ZNF91: variants seen among roughly 807,000 people sequenced by gnomAD.
ZNF91 encodes zinc finger protein 91 (HPF7, HTF10).
ZNF91 carries 7 observed loss-of-function variants against 12.6 expected under a neutral mutation model. That is an observed-to-expected ratio of 0.55 (90% CI 0.31 to 1.04). ZNF91 has a LOEUF of 1.04. ZNF91 is among the 50% of genes least tolerant of loss of function. The probability of loss-of-function intolerance (pLI) is 0.05; values close to 1 mark genes in which losing one functional copy is unlikely to be tolerated. For synonymous variants in ZNF91, 453 were observed against 462.6 expected (o/e 0.98, Z 0.27); for missense variants, 1,217 against 1,385.4 (o/e 0.88, Z 1.93).
At chr19:23,333,703 T>G (rs1279103718) in intron 1 of ZNF91, among the ~76,000 whole-genome samples, 1 of 152,336 alleles carries the variant, frequency 6.6e-6, no homozygotes, top group East Asian at 1.9e-4. Flanking sequence ...TAGGAATAAA[T>G]AGAGAAATGA....
rs1277571912 is a variant in ZNF91, at chr19:23,361,984, C to T, written c.995G>A (p.Ser332Asn). 6.6e-7 allele frequency: 1 copy of T among 1,508,970 alleles called. No individual in the cohort carries two copies. Among genetic ancestry groups the T allele is most frequent in the Non-Finnish European group, 8.8e-7 (1 of 1,130,130 alleles). The allele number at this position is 1,508,970 out of a possible 1,614,324, so 93.5% of individuals were successfully genotyped here. The change falls in exon 4 of 4, where the codon AGC becomes AAC. Residue 332 changes from serine (S) to asparagine (N), a missense_variant. Ser to Asn is a conservative substitution (Grantham distance 46). Coordinates refer to ENST00000300619, the MANE Select transcript of ZNF91 (RefSeq NM_003430.4). ...ATGTTTAGCAAGGGTTGAAGAACGGCTAAAAGCTTTGCCACATTCTTCACA... is the reference window on the plus strand; with the variant it reads ...ATGTTTAGCAAGGGTTGAAGAACGGTTAAAAGCTTTGCCACATTCTTCACA... ...YKCEECGKAF[S>N]RSSTLAKHKR...
upstream of ZNF91, among the ~76,000 whole-genome samples, chr19:23,312,082 GAAAACAC>G (rs1387040061): frequency 3.3e-4 from 50 of 152,164 alleles, 2 homozygotes; most frequent in East Asian, 9.7e-3. Flanking sequence ...ATCCCTGGCT[GAAAACAC>G]AGGTACTGTG....
intron 3 of ZNF91, chr19:23,339,614 T>C (rs1204657487): frequency 6.6e-6 from 1 of 152,180 alleles, no homozygotes; most frequent in East Asian, 1.9e-4. Context: ...TTAAATAACA[T>C]ACTCCTCAAC....
intron 3 of ZNF91, among the ~76,000 whole-genome samples, chr19:23,345,813 C>T (rs1188385918): frequency 6.6e-6 from 1 of 152,124 alleles, no homozygotes; most frequent in Non-Finnish European, 1.5e-5. Context: ...ATCGTCCCCT[C>T]CTCAGGACAA....
At chr19:23,337,685 A>T (rs985082785), downstream of ZNF91, 2 of 152,066 alleles carry the variant, frequency 1.3e-5, no homozygotes, top group African/African-American at 4.8e-5. Context: ...CTTTAAAAAG[A>T]CTTCAAAATA....
Position 23,359,502 on chromosome 19 carries a change from T to C in ZNF91, c.3477A>G (p.Thr1159=), listed in dbSNP as rs1968620050. The change falls in exon 4 of 4, where the codon ACA becomes ACG. Residue 1159 remains threonine, a synonymous_variant. Transcript: ENST00000300619. ...LTNHKKIHTI[T]PVIPLLWEAE... ...CCTCCCAAAGTAGTGGGATTACAGG[T>C]GTGATAGTATGAATTTTCTTATGGT... is the stretch of plus-strand genomic sequence containing the variant. 6.2e-7 allele frequency: 1 copy of C among 1,613,402 alleles called. No individual in the cohort carries two copies. The highest frequency in any genetic ancestry group is 8.5e-7 in the Non-Finnish European group (1 of 1,179,482).
chr19:23,363,681 AT>A (rs1968896390), intron 3 of ZNF91, among the ~76,000 whole-genome samples: 1 of 152,210 alleles, frequency 6.6e-6, no homozygotes, highest in Non-Finnish European at 1.5e-5. Flanking sequence ...TGCCACCAAA[AT>A]ATTATAAAAT....
chr19:23,383,412 G>C (rs1157830523), intron 1 of ZNF91, among the ~76,000 whole-genome samples: 1 of 152,172 alleles, frequency 6.6e-6, no homozygotes, highest in East Asian at 1.9e-4. Flanking sequence ...AAGCGGATGG[G>C]TACAGTGGTT....
downstream of ZNF91, among the ~76,000 whole-genome samples, chr19:23,336,208 T>A (rs898434229): frequency 2.6e-5 from 4 of 152,202 alleles, no homozygotes; most frequent in African/African-American, 7.2e-5. Context: ...AGGTTCATCA[T>A]CTCATACCAA....
At chr19:23,318,818 T>C (rs569921210) in intron 1 of ZNF91, among the ~76,000 whole-genome samples, 8 of 152,318 alleles carry the variant, frequency 5.3e-5, no homozygotes, top group Admixed American at 3.9e-4. Flanking sequence ...CTGCAATGTA[T>C]CTCTGGGCCC....
intron 1 of ZNF91, among the ~76,000 whole-genome samples, chr19:23,389,270 G>C (rs995854965): frequency 2.6e-5 from 4 of 152,232 alleles, no homozygotes; most frequent in African/African-American, 9.6e-5. Context: ...CTGGGTCCAT[G>C]CAGGCAGATG....
chr19:23,382,773 A>C (rs1169760940), intron 1 of ZNF91, among the ~76,000 whole-genome samples: 1 of 152,176 alleles, frequency 6.6e-6, no homozygotes, highest in Non-Finnish European at 1.5e-5. Flanking sequence ...GAAAAAAAGT[A>C]TTAAGGAATA....
upstream of ZNF91, among the ~76,000 whole-genome samples, chr19:23,312,165 T>C (rs1266316583): frequency 1.3e-5 from 2 of 152,032 alleles, no homozygotes; most frequent in Non-Finnish European, 2.9e-5. Context: ...AACAACGTGA[T>C]ATGACTCTCC....
intron 3 of ZNF91, among the ~76,000 whole-genome samples, chr19:23,366,170 G>A (rs973600267): frequency 2.0e-4 from 30 of 152,184 alleles, no homozygotes; most frequent in Middle Eastern, 3.4e-3. Context: ...CTCACCTCCC[G>A]GATGGGGTGG....
At chr19:23,320,468 A>C (rs1231962517) in intron 1 of ZNF91, among the ~76,000 whole-genome samples, 3 of 152,202 alleles carry the variant, frequency 2.0e-5, no homozygotes, top group Non-Finnish European at 4.4e-5. Flanking sequence ...GGGAGACCTC[A>C]GGAAATTTAT....
At chr19:23,383,893 C>T (rs1209635920) in intron 1 of ZNF91, among the ~76,000 whole-genome samples, 6 of 151,980 alleles carry the variant, frequency 3.9e-5, no homozygotes, top group South Asian at 2.1e-4. Flanking sequence ...GGGTGGATCA[C>T]GAGGTCAGGA....
At chr19:23,384,768 G>T in intron 1 of ZNF91, 1 of 639,664 alleles carries the variant, frequency 1.6e-6, no homozygotes. Flanking sequence ...AGCTCCCCGG[G>T]CATAGTAAGT....
intron 3 of ZNF91, among the ~76,000 whole-genome samples, chr19:23,349,803 C>T (rs1452669701): frequency 1.3e-5 from 2 of 152,092 alleles, no homozygotes; most frequent in African/African-American, 4.8e-5. Context: ...GCAACACTCT[C>T]GGAGTACCTG....
chr19:23,394,500 G>A (rs1387039267), intron 1 of ZNF91, among the ~76,000 whole-genome samples: 1 of 152,076 alleles, frequency 6.6e-6, no homozygotes, highest in African/African-American at 2.4e-5. Context: ...GGAGGCCAAG[G>A]TGGGTGGATC....
Sources: gnomAD v4.1 joint callset for allele counts (sites outside exome capture counted in the v4.1 genomes callset) on GRCh38, gnomAD v4.1.1 for gene constraint, MANE v1.5 for transcripts, NCBI Gene and HGNC (gene_info 2026-07-23, HGNC 2026-07-21) for gene names.